RGS22: variants seen among roughly 807,000 people sequenced by gnomAD.
The protein encoded by RGS22 is regulator of G protein signaling 22, also known as regulator of G-protein signaling 22.
Under a neutral mutation model 172.9 loss-of-function variants are expected in RGS22, and 148 were observed. That is an observed-to-expected ratio of 0.86 (90% confidence interval 0.75 to 0.98). The LOEUF (loss-of-function observed/expected upper bound fraction) is 0.98. RGS22 is among the 50% of genes least tolerant of loss of function. RGS22 has a pLI of 0.00. For missense variants in RGS22, 1,347 were observed against 1,440.8 expected, an observed-to-expected ratio of 0.93 and a Z score of 1.05; for synonymous variants, 458 against 480.2, an observed-to-expected ratio of 0.95 and a Z score of 0.60.
intron 9 of RGS22, among the ~76,000 whole-genome samples, chr8:100,060,353 T>C (rs1415569229): frequency 6.8e-6 from 1 of 146,278 alleles, no homozygotes; most frequent in African/African-American, 2.5e-5. Context: ...TCTATAGTAA[T>C]ACTCAAAAAA....
rs770608441 is a variant in RGS22 at position 100,063,600 on chromosome 8, C to T, written c.1168G>A (p.Glu390Lys). The change falls in exon 8 of 28, where the codon GAG becomes AAG. Residue 390 changes from glutamate to lysine, a missense_variant. Glu to Lys is a moderately conservative substitution (Grantham distance 56). Coordinates refer to ENST00000360863, the MANE Select transcript of RGS22 (RefSeq NM_015668.5). ...GCCCTGCTCTCTGGTCCAGCGCTCT[C>T]ATTCTTTGAACTTAAACTTGTTTGT... is the stretch of plus-strand genomic sequence containing the variant. ...IEQTSLSSKNESAGPESRADW... is the reference protein window; with the variant it reads ...IEQTSLSSKNKSAGPESRADW... 2 of 1,613,968 alleles carry T rather than the reference C, an allele frequency of 1.2e-6. No homozygotes were observed.
intron 27 of RGS22, 33 bp downstream of exon 27, chr8:99,962,361 G>T: frequency 7.0e-7 from 1 of 1,424,896 alleles, no homozygotes; most frequent in Admixed American, 1.7e-5. Context: ...GAGGACATGT[G>T]TGGGACCAAC....
chr8:100,094,629 T>C (rs1407274374), intron 2 of RGS22, among the ~76,000 whole-genome samples: 1 of 152,228 alleles, frequency 6.6e-6, no homozygotes, highest in Non-Finnish European at 1.5e-5. Context: ...TTTAATAAAT[T>C]TACTACCTTA....
intron 16 of RGS22, among the ~76,000 whole-genome samples, chr8:100,005,250 C>A (rs1331488511): frequency 2.0e-5 from 3 of 152,028 alleles, no homozygotes. Context: ...TGAAACCTTA[C>A]CACTCAGAGT....
At chr8:100,009,334 G>C (rs1816096338) in intron 14 of RGS22, among the ~76,000 whole-genome samples, 1 of 150,830 alleles carries the variant, frequency 6.6e-6, no homozygotes. Context: ...AGAAGTAATT[G>C]CTTGAACCCG....
At chr8:100,073,494 G>T (rs1300656993) in intron 4 of RGS22, among the ~76,000 whole-genome samples, 1 of 151,294 alleles carries the variant, frequency 6.6e-6, no homozygotes, top group East Asian at 1.9e-4. Flanking sequence ...CATAATGAAA[G>T]AATAGAAGAA....
intron 3 of RGS22, 43 bp downstream of exon 3, chr8:100,093,404 G>T (rs1234072232): frequency 2.6e-6 from 3 of 1,159,978 alleles, no homozygotes; most frequent in Non-Finnish European, 3.8e-6. Flanking sequence ...AAAATATTTT[G>T]CTTTGATAAT....
intron 11 of RGS22, 158 bp from the exon 12 acceptor site, chr8:100,042,074 AGTG>A: frequency 2.0e-6 from 1 of 499,722 alleles, no homozygotes; most frequent in Non-Finnish European, 3.6e-6. Flanking sequence ...CTAGCCCTAA[AGTG>A]GTGGTTCAGA....
chr8:100,066,282 T>C lies in RGS22; in HGVS notation c.609A>G (p.Gln203=). ...TTGCTAATGCAAACCAATCTTTTGT[T>C]TGAGTATAGGAAGCCTAGGAAGAAG... ...YVSLGEASYT[Q]TKDWFALAKQ... Residue 203 remains glutamine (Q), a synonymous_variant, in exon 7 of 28, where the codon CAA becomes CAG. Transcript: ENST00000360863. The C allele has an allele frequency of 6.2e-7, 1 of 1,613,376 alleles. No individual in the cohort carries two copies. Among genetic ancestry groups the C allele is most frequent in the Non-Finnish European group, 8.5e-7 (1 of 1,179,470 alleles).
chr8:100,007,842 T>A (rs894634741), intron 15 of RGS22, among the ~76,000 whole-genome samples: 4 of 149,772 alleles, frequency 2.7e-5, no homozygotes, highest in Non-Finnish European at 5.9e-5. Context: ...AGAGCGAGAC[T>A]CTGACTCAAA....
chr8:100,053,450 G>A (rs1482686158), intron 9 of RGS22, among the ~76,000 whole-genome samples: 4 of 132,626 alleles, frequency 3.0e-5, no homozygotes, highest in African/African-American at 8.3e-5. Context: ...GGAAGGAAGG[G>A]AGGGAGGGAG....
intron 14 of RGS22, among the ~76,000 whole-genome samples, chr8:100,028,229 C>G (rs1818388757): frequency 6.6e-6 from 1 of 152,078 alleles, no homozygotes; most frequent in Non-Finnish European, 1.5e-5. Context: ...TAACCATGGT[C>G]CCTGGTGATG....
intron 4 of RGS22, among the ~76,000 whole-genome samples, chr8:100,079,554 C>A (rs1000392112): frequency 6.6e-6 from 1 of 152,234 alleles, no homozygotes; most frequent in African/African-American, 2.4e-5. Context: ...TTCATCCACA[C>A]AAGAAACCTA....
intron 2 of RGS22, among the ~76,000 whole-genome samples, chr8:100,094,757 A>G (rs1812836089): frequency 7.2e-5 from 11 of 152,220 alleles, no homozygotes; most frequent in Admixed American, 7.2e-4. Flanking sequence ...AACCTATCAA[A>G]CTTTACCTTT....
At chr8:99,967,690 T>C (rs1313337130) in intron 23 of RGS22, among the ~76,000 whole-genome samples, 2 of 152,192 alleles carry the variant, frequency 1.3e-5, no homozygotes, top group African/African-American at 4.8e-5. Flanking sequence ...AGATTCCTCC[T>C]CACTGGGCAG....
chr8:100,092,101 G>C (rs961071891), intron 3 of RGS22: 9 of 152,102 alleles, frequency 5.9e-5, no homozygotes, highest in African/African-American at 9.7e-5. Flanking sequence ...ACACAAGAAA[G>C]TGCTGAATAG....
intron 3 of RGS22, among the ~76,000 whole-genome samples, chr8:100,082,465 A>T (rs1051718941): frequency 1.3e-5 from 2 of 152,136 alleles, no homozygotes; most frequent in Admixed American, 6.5e-5. Flanking sequence ...CCTACAGATA[A>T]GTGAGAACAT....
At chr8:100,041,759 G>A (rs1820150169) in intron 12 of RGS22, 43 bp downstream of exon 12, 5 of 1,055,112 alleles carry the variant, frequency 4.7e-6, no homozygotes, top group Non-Finnish European at 7.2e-6. Flanking sequence ...ATACTGATCA[G>A]TTAAATGAAG....
chr8:100,055,555 A>G (rs1309959543), intron 9 of RGS22, among the ~76,000 whole-genome samples: 12 of 152,140 alleles, frequency 7.9e-5, no homozygotes, highest in African/African-American at 2.9e-4. Flanking sequence ...TACAATATCT[A>G]CCTCATATGG....
Sources: gnomAD v4.1 joint callset for allele counts (sites outside exome capture counted in the v4.1 genomes callset) on GRCh38, gnomAD v4.1.1 for gene constraint, MANE v1.5 for transcripts, NCBI Gene and HGNC (gene_info 2026-07-23, HGNC 2026-07-21) for gene names.